The following OTOGL variants were observed in gnomAD, a reference collection of about 807,000 sequenced individuals.
OTOGL encodes otogelin like.
In OTOGL, 285 loss-of-function variants were observed where a neutral mutation model predicts 318.5. That is an observed-to-expected ratio of 0.89 (90% CI 0.81 to 0.99). The LOEUF (loss-of-function observed/expected upper bound fraction) is 0.99. Among genes scored for constraint, OTOGL ranks in the 50% least tolerant of loss-of-function variants. The pLI, the probability that OTOGL is intolerant of heterozygous loss-of-function variation, is 0.00. For synonymous variants in OTOGL, 987 were observed against 936.5 expected, an observed-to-expected ratio of 1.05 and a Z score of -0.99; for missense variants, 2,899 against 2,845.6, an observed-to-expected ratio of 1.02 and a Z score of -0.43.
intron 29 of OTOGL, among the ~76,000 whole-genome samples, chr12:80,309,433 AGC>A (rs1886482867): frequency 2.6e-5 from 4 of 152,314 alleles, no homozygotes; most frequent in Non-Finnish European, 4.4e-5. Flanking sequence ...GAAAGGAGGG[AGC>A]AGCCACCTAG....
intron 1 of OTOGL, among the ~76,000 whole-genome samples, chr12:80,149,799 G>C (rs1872660680): frequency 6.6e-6 from 1 of 152,224 alleles, no homozygotes. Flanking sequence ...CGTCGGAAAA[G>C]CGCAGTATTC....
At chr12:80,121,071 A>T (rs1052790035) in intron 1 of OTOGL, among the ~76,000 whole-genome samples, 1 of 152,154 alleles carries the variant, frequency 6.6e-6, no homozygotes, top group Admixed American at 6.6e-5. Context: ...GTCTGAGGGG[A>T]TATTCAAGCT....
chr12:80,196,259 C>T (rs1370548145), intron 1 of OTOGL, among the ~76,000 whole-genome samples: 1 of 152,100 alleles, frequency 6.6e-6, no homozygotes, highest in African/African-American at 2.4e-5. Flanking sequence ...GTTTAAAATG[C>T]AGTCAATGCA....
At chr12:80,190,562 T>C (rs565946702) in intron 1 of OTOGL, among the ~76,000 whole-genome samples, 16 of 151,230 alleles carry the variant, frequency 1.1e-4, no homozygotes, top group Admixed American at 5.3e-4. Flanking sequence ...CTGAGGCGGG[T>C]GGATCACGAG....
At chr12:80,259,077 ATT>A (rs909654377) in intron 18 of OTOGL, among the ~76,000 whole-genome samples, 5 of 151,368 alleles carry the variant, frequency 3.3e-5, no homozygotes, top group African/African-American at 1.2e-4. Flanking sequence ...AATGTATATA[ATT>A]TTTTTTAGCT....
intron 1 of OTOGL, among the ~76,000 whole-genome samples, chr12:80,125,250 G>T (rs1180629320): frequency 2.0e-5 from 3 of 152,132 alleles, no homozygotes; most frequent in Non-Finnish European, 4.4e-5. Flanking sequence ...AGCATGAAGG[G>T]TTGTTGAATT....
At chr12:80,189,257 T>G (rs2137257466) in intron 1 of OTOGL, 1 of 214,448 alleles carries the variant, frequency 4.7e-6, no homozygotes, top group Middle Eastern at 2.4e-3. Flanking sequence ...AACTATTAAC[T>G]GCTAAACATA....
chr12:80,295,157 C>CTTTTTTTT lies in OTOGL; in HGVS notation c.2929-1648_2929-1641dup, dbSNP rs66786755. ...AAACACAAACTGTATGATTGCCGAA[C>CTTTTTTTT]TTTTTTTTTTTTTTTTTTTTTTTTT... On this transcript the variant is annotated intron_variant, in intron 26 of 58. Coordinates refer to ENST00000547103, the MANE Select transcript of OTOGL (RefSeq NM_001378609.3). Among the ~76,000 whole-genome samples, 827 of 98,840 alleles carry CTTTTTTTT rather than the reference C, an allele frequency of 8.4e-3. 77 individuals are homozygous for CTTTTTTTT. The highest frequency in any genetic ancestry group is 0.012 in the African/African-American group (238 of 20,602). The allele number at this position is 98,840 out of a possible 152,430, so 64.8% of individuals were successfully genotyped here.
chr12:80,235,152 T>C (rs530216497), intron 9 of OTOGL, among the ~76,000 whole-genome samples: 1 of 152,086 alleles, frequency 6.6e-6, no homozygotes, highest in Admixed American at 6.6e-5. Flanking sequence ...CAGTTCTCTG[T>C]GGTAGAGTTA....
intron 56 of OTOGL, 112 bp downstream of exon 56, chr12:80,370,801 G>C (rs528622015): frequency 1.3e-6 from 1 of 773,798 alleles, no homozygotes; most frequent in Non-Finnish European, 1.8e-6. Context: ...TGGCGAATGT[G>C]TTATTTTCAT....
chr12:80,320,319 C>A, intron 33 of OTOGL, 103 bp from the exon 34 acceptor site: 1 of 1,067,926 alleles, frequency 9.4e-7, no homozygotes, highest in South Asian at 2.3e-5. Context: ...TTATGTTTGG[C>A]AATTGTGCAG....
chr12:80,191,764 G>GT (rs1370542607), intron 1 of OTOGL, among the ~76,000 whole-genome samples: 2 of 152,192 alleles, frequency 1.3e-5, no homozygotes, highest in African/African-American at 4.8e-5. Flanking sequence ...GCGTAAGGCA[G>GT]TCCTGGGCTC....
At chr12:80,147,677 T>C (rs1234732512) in intron 1 of OTOGL, among the ~76,000 whole-genome samples, 1 of 152,130 alleles carries the variant, frequency 6.6e-6, no homozygotes, top group Non-Finnish European at 1.5e-5. Context: ...CCATTGTTAA[T>C]GTGTGGGAGT....
Position 80,355,948 on chromosome 12 carries a change from G to A in OTOGL, c.5806G>A (p.Gly1936Arg), listed in dbSNP as rs768517185. 2 of 1,613,482 alleles carry A rather than the reference G, an allele frequency of 1.2e-6. No homozygotes were observed. Among genetic ancestry groups the A allele is most frequent in the Admixed American group, 3.3e-5 (2 of 60,006 alleles). ...KWTCCSKEVC[G>R]CDTTLCETSI... ...GACCTGCTGTTCAAAGGAAGTTTGT[G>A]GTATGTATGCAGAAGCCTTATAGTC... is the stretch of plus-strand genomic sequence containing the variant. The change falls in exon 47 of 59, where the codon GGA becomes AGA. Residue 1936 changes from glycine to arginine, a missense_variant and splice_region_variant. Gly to Arg is a moderately radical substitution (Grantham distance 125). This residue lies in a region of OTOGL where 2,607 missense variants were observed against 2,524.9 expected (regional missense o/e 1.03). Coordinates refer to ENST00000547103, the MANE Select transcript of OTOGL (RefSeq NM_001378609.3).
intron 6 of OTOGL, 30 bp from the exon 7 acceptor site, chr12:80,222,061 C>T (rs2137357324): frequency 6.4e-7 from 1 of 1,565,810 alleles, no homozygotes; most frequent in African/African-American, 1.4e-5. Flanking sequence ...ATTTATTTTG[C>T]CTACAAAATA....
At chr12:80,355,207 CT>C (rs10719213) in intron 46 of OTOGL, among the ~76,000 whole-genome samples, 100,708 of 140,172 alleles carry the variant, frequency 0.72, 37,882 homozygotes, top group Non-Finnish European at 0.84. Context: ...TTACTTTTTT[CT>C]TTTCTTTCTT....
chr12:80,126,437 G>T (rs1189962372), intron 1 of OTOGL, among the ~76,000 whole-genome samples: 2 of 152,122 alleles, frequency 1.3e-5, no homozygotes, highest in East Asian at 3.9e-4. Context: ...TTTTACATTT[G>T]CTGAGGAGTG....
At chr12:80,340,975 C>A (rs967444294) in intron 43 of OTOGL, among the ~76,000 whole-genome samples, 5 of 143,236 alleles carry the variant, frequency 3.5e-5, no homozygotes, top group Non-Finnish European at 7.5e-5. Flanking sequence ...GCACGTAGTA[C>A]CCTGTGTATT....
chr12:80,361,557 A>G (rs1471416339), intron 52 of OTOGL, among the ~76,000 whole-genome samples: 2 of 152,142 alleles, frequency 1.3e-5, no homozygotes, highest in African/African-American at 4.8e-5. Flanking sequence ...AGGAACATAT[A>G]TACTGTTTTT....
Sources: gnomAD v4.1 joint callset for allele counts (sites outside exome capture counted in the v4.1 genomes callset) on GRCh38, gnomAD v4.1.1 for gene constraint, gnomAD v4.1.1 regional missense constraint, MANE v1.5 for transcripts, NCBI Gene and HGNC (gene_info 2026-07-23, HGNC 2026-07-21) for gene names.